Variants in CFAP97 observed in about 807,000 individuals in gnomAD.
CFAP97 encodes the protein cilia and flagella associated protein 97, also known as cilia- and flagella-associated protein 97.
In CFAP97, 36 loss-of-function variants were observed where a neutral mutation model predicts 43.1. That is an observed-to-expected ratio of 0.84 (90% CI 0.64 to 1.10). The LOEUF is 1.10. Among genes scored for constraint, CFAP97 ranks in the 50% least tolerant of loss-of-function variants. The pLI is 0.00. For missense variants in CFAP97, 657 were observed against 620.3 expected (o/e 1.06, Z -0.63); for synonymous variants, 228 against 225.7 (o/e 1.01, Z -0.09).
intron 2 of CFAP97, among the ~76,000 whole-genome samples, chr4:185,180,159 T>C (rs759645875): frequency 4.8e-4 from 73 of 152,284 alleles, no homozygotes; most frequent in Non-Finnish European, 1.6e-4. Context: ...TTAGGCTGAA[T>C]GTTGTTTATT....
rs2111387772 is a variant in CFAP97, at chr4:185,190,422, A to G, written c.775T>C (p.Ser259Pro). The change falls in exon 2 of 5, where the codon TCA becomes CCA. Residue 259 changes from serine to proline, a missense_variant. Transcript: ENST00000458385. ...EDTVTDVSPL[S>P]TPDISPLQSF... ...TGAAGAGGGCTAATGTCTGGAGTTG[A>G]TAAGGGACTTACGTCAGTCACAGTA... is the stretch of plus-strand genomic sequence containing the variant. 3 of 1,613,594 alleles carry G rather than the reference A, an allele frequency of 1.9e-6. No individual in the cohort carries two copies. The highest frequency in any genetic ancestry group is 2.5e-6 in the Non-Finnish European group (3 of 1,179,674).
At chr4:185,189,309 A>C (rs1412125698) in intron 2 of CFAP97, among the ~76,000 whole-genome samples, 1 of 152,210 alleles carries the variant, frequency 6.6e-6, no homozygotes, top group Non-Finnish European at 1.5e-5. Flanking sequence ...TGTCAATTTG[A>C]CCATTTTCTA....
At chr4:185,166,694 A>T (rs2111318048) in intron 3 of CFAP97, among the ~76,000 whole-genome samples, 1 of 152,340 alleles carries the variant, frequency 6.6e-6, no homozygotes, top group East Asian at 1.9e-4. Context: ...ACTTAGGGAA[A>T]TAAGAGAGAA....
chr4:185,191,315 T>G, intron 1 of CFAP97, 103 bp from the exon 2 acceptor site: 1 of 812,204 alleles, frequency 1.2e-6, no homozygotes. Context: ...GTGTGTTTAA[T>G]ATATAAAAAG....
chr4:185,178,855 G>A (rs1260687108), intron 2 of CFAP97, among the ~76,000 whole-genome samples: 3 of 152,070 alleles, frequency 2.0e-5, no homozygotes, highest in African/African-American at 4.8e-5. Flanking sequence ...AATGTCCAGC[G>A]ACCCTGTGCT....
chr4:185,183,845 G>T (rs1735900739), intron 2 of CFAP97, among the ~76,000 whole-genome samples: 1 of 152,158 alleles, frequency 6.6e-6, no homozygotes, highest in South Asian at 2.1e-4. Flanking sequence ...TCTATCAGGG[G>T]TTCTTTACTA....
At chr4:185,187,280 G>T (rs1736041927) in intron 2 of CFAP97, among the ~76,000 whole-genome samples, 1 of 152,162 alleles carries the variant, frequency 6.6e-6, no homozygotes, top group African/African-American at 2.4e-5. Flanking sequence ...CAGCACAGCT[G>T]TGCAACAGAA....
chr4:185,209,588 G>A (rs1277151361), upstream of CFAP97: 3 of 321,194 alleles, frequency 9.3e-6, no homozygotes, highest in African/African-American at 6.7e-5. The surrounding 1 kb of genome is among the most constrained non-coding windows in gnomAD (Gnocchi z 5.2). Context: ...CGTCAGGCTG[G>A]CCAGGCTTCA....
chr4:185,164,953 C>T (rs1735011099), intron 3 of CFAP97, among the ~76,000 whole-genome samples: 1 of 152,182 alleles, frequency 6.6e-6, no homozygotes, highest in African/African-American at 2.4e-5. Context: ...GCAGTAGTGC[C>T]TCAAGGGCTT....
intron 2 of CFAP97, among the ~76,000 whole-genome samples, chr4:185,184,400 G>A (rs1735925191): frequency 6.6e-6 from 1 of 152,184 alleles, no homozygotes; most frequent in Admixed American, 6.5e-5. Context: ...GGGAATGGGA[G>A]CGTAACCAGT....
chr4:185,197,662 G>A (rs1195323046), intron 1 of CFAP97, among the ~76,000 whole-genome samples: 6 of 152,048 alleles, frequency 3.9e-5, no homozygotes, highest in Non-Finnish European at 7.4e-5. Context: ...TCCTGACCTC[G>A]GGATCCGCCC....
At chr4:185,199,470 A>G (rs1429027605) in intron 1 of CFAP97, among the ~76,000 whole-genome samples, 1 of 152,120 alleles carries the variant, frequency 6.6e-6, no homozygotes, top group Non-Finnish European at 1.5e-5. Context: ...GGAGTTCCAG[A>G]CCAGCCTGGC....
Position 185,160,869 on chromosome 4 carries a change from G to T in CFAP97, c.*1929C>A, listed in dbSNP as rs1308084681. Reference sequence around the variant, plus strand: ...ATATATATAAAAATCTTTTTTAAAAGATTTTTAAAATAAAATTTATAAAAA... The same window carrying T: ...ATATATATAAAAATCTTTTTTAAAATATTTTTAAAATAAAATTTATAAAAA... On this transcript the variant is annotated 3_prime_UTR_variant, in exon 5 of 5. Coordinates refer to ENST00000458385, the MANE Select transcript of CFAP97 (RefSeq NM_020827.3). The T allele has an allele frequency of 2.1e-5, 3 of 145,076 alleles. No individual in the cohort carries two copies. The highest frequency in any genetic ancestry group is 4.5e-5 in the Non-Finnish European group (3 of 66,130). The allele number at this position is 145,076 out of a possible 1,614,324, so 9.0% of individuals were successfully genotyped here.
At chr4:185,170,859 C>G (rs1025104367) in intron 3 of CFAP97, among the ~76,000 whole-genome samples, 1 of 151,292 alleles carries the variant, frequency 6.6e-6, no homozygotes, top group Non-Finnish European at 1.5e-5. Flanking sequence ...GTGGCACAGG[C>G]CTGTGATCCC....
chr4:185,174,972 C>T (rs1019070766), intron 3 of CFAP97, among the ~76,000 whole-genome samples: 3 of 152,160 alleles, frequency 2.0e-5, no homozygotes, highest in African/African-American at 4.8e-5. Context: ...TAATATCAAA[C>T]TATATGATTT....
At chr4:185,170,625 G>T (rs769626541) in intron 3 of CFAP97, among the ~76,000 whole-genome samples, 2 of 151,342 alleles carry the variant, frequency 1.3e-5, no homozygotes, top group African/African-American at 4.8e-5. Flanking sequence ...TGTTAGCCAG[G>T]GTGGTCTCCA....
rs763608646 is a variant in CFAP97, at chr4:185,190,241, A to G, written c.956T>C (p.Val319Ala). 6.2e-6 allele frequency: 10 copies of G among 1,613,550 alleles called. No individual in the cohort carries two copies. In the African/African-American group the frequency reaches 9.3e-5, roughly 15 times the overall value. Residue 319 changes from valine (V) to alanine (A), a missense_variant, in exon 2 of 5, where the codon GTC (valine) becomes GCC (alanine). Coordinates refer to ENST00000458385, the MANE Select transcript of CFAP97 (RefSeq NM_020827.3). ...TAACACTGAAGACGACTTTGAGGAGACATCAGGCTCATGTTTTTCTTTCCC... is the reference window on the plus strand; with the variant it reads ...TAACACTGAAGACGACTTTGAGGAGGCATCAGGCTCATGTTTTTCTTTCCC... ...KKGKEKHEPDVSSKSSSVLDS... is the reference protein window; with the variant it reads ...KKGKEKHEPDASSKSSSVLDS...
chr4:185,208,289 T>TAA (rs1737283823), upstream of CFAP97, among the ~76,000 whole-genome samples: 1 of 151,870 alleles, frequency 6.6e-6, no homozygotes. Flanking sequence ...GTGTAGGGAT[T>TAA]ACAGGCGTGA....
chr4:185,176,611 T>A (rs745972030), intron 2 of CFAP97, among the ~76,000 whole-genome samples: 1 of 152,210 alleles, frequency 6.6e-6, no homozygotes, highest in Non-Finnish European at 1.5e-5. Context: ...TATATAGTAC[T>A]GGTCTTTAGG....
Sources: allele counts gnomAD v4.1 joint callset (sites outside exome capture counted in the v4.1 genomes callset), GRCh38; gene constraint gnomAD v4.1.1; non-coding constraint Gnocchi (gnomAD v3.1); transcripts MANE v1.5; gene names NCBI Gene and HGNC (gene_info 2026-07-23, HGNC 2026-07-21).